IQGAP1: variants seen among roughly 807,000 people sequenced by gnomAD.
The protein encoded by IQGAP1 is IQ motif containing GTPase activating protein 1, also known as ras GTPase-activating-like protein IQGAP1.
IQGAP1 carries 66 observed loss-of-function variants against 215.6 expected under a neutral mutation model. The observed-to-expected ratio is 0.31, with a 90% CI of 0.25 to 0.38. The LOEUF is 0.38. Ranked by LOEUF, IQGAP1 falls within the 10% of genes least tolerant of loss-of-function variation. The probability of loss-of-function intolerance (pLI) is 1.00; values close to 1 mark genes in which losing one functional copy is unlikely to be tolerated. For missense variants in IQGAP1, 1,712 were observed against 1,997.1 expected, an observed-to-expected ratio of 0.86 and a Z score of 2.72; for synonymous variants, 772 against 728.7, an observed-to-expected ratio of 1.06 and a Z score of -0.96.
intron 9 of IQGAP1, among the ~76,000 whole-genome samples, chr15:90,443,937 T>A (rs1423688463): frequency 1.3e-5 from 2 of 151,692 alleles, no homozygotes; most frequent in Non-Finnish European, 2.9e-5. Context: ...GGTGGCGTGC[T>A]CTTGTAGTCC....
At chr15:90,449,007 C>T (rs990689271) in intron 10 of IQGAP1, among the ~76,000 whole-genome samples, 1 of 152,170 alleles carries the variant, frequency 6.6e-6, no homozygotes, top group African/African-American at 2.4e-5. Flanking sequence ...CTGTCTCTCT[C>T]TCCAACTAAA....
chr15:90,433,338 A>G (rs1469915370), intron 4 of IQGAP1, among the ~76,000 whole-genome samples: 2 of 152,178 alleles, frequency 1.3e-5, no homozygotes, highest in Non-Finnish European at 2.9e-5. Context: ...AACTAGGAGC[A>G]TTGTAGTTCT....
At chr15:90,449,525 G>A (rs576430942) in intron 10 of IQGAP1, 34 bp from the exon 11 acceptor site, 1 of 1,558,986 alleles carries the variant, frequency 6.4e-7, no homozygotes, top group South Asian at 1.1e-5. Context: ...ATAGGAATGA[G>A]TAATCTTTAC....
At position 90,444,959 on chromosome 15, in the gene IQGAP1, C is replaced by T. The variant is rs527824964; in HGVS notation, c.913+1481C>T. On this transcript the variant is annotated intron_variant, in intron 9 of 37. Coordinates refer to ENST00000268182, the MANE Select transcript of IQGAP1 (RefSeq NM_003870.4). ...GCAATGTGGCGAAACCCTGTCTCTACAAAAAATACAAAAACTAGCTGGACG... is the reference window on the plus strand; with the variant it reads ...GCAATGTGGCGAAACCCTGTCTCTATAAAAAATACAAAAACTAGCTGGACG... 3.3e-5 allele frequency among the ~76,000 whole-genome samples: 5 copies of T among 152,158 alleles called. No individual in the cohort carries two copies. In the South Asian group the frequency reaches 1.0e-3, roughly 32 times the overall value.
intron 29 of IQGAP1, 115 bp downstream of exon 29, chr15:90,483,708 A>G (rs1397143474): frequency 1.4e-6 from 1 of 724,662 alleles, no homozygotes; most frequent in Non-Finnish European, 2.3e-6. Flanking sequence ...TATGTAGAAG[A>G]CGTGTTTGAT....
chr15:90,394,405 A>G (rs2151694514), intron 2 of IQGAP1, among the ~76,000 whole-genome samples: 1 of 152,330 alleles, frequency 6.6e-6, no homozygotes, highest in East Asian at 1.9e-4. Context: ...GACAAAGGAA[A>G]GAAGCCTGGG....
intron 13 of IQGAP1, among the ~76,000 whole-genome samples, 180 bp downstream of exon 13, chr15:90,453,472 A>G (rs1965636449): frequency 6.6e-6 from 1 of 152,230 alleles, no homozygotes; most frequent in Non-Finnish European, 1.5e-5. Context: ...TTCCGTTCCT[A>G]AATATATAAG....
Position 90,459,248 on chromosome 15 carries a change from C to T in IQGAP1, c.1776+2933C>T, listed in dbSNP as rs1221034375. On this transcript the variant is annotated intron_variant, in intron 15 of 37. Coordinates refer to ENST00000268182, the MANE Select transcript of IQGAP1 (RefSeq NM_003870.4). ...TAATCAACAATTATTTGAGGGCCTA[C>T]TACATACAAGGCAACTTCCTAGACA... 3.3e-5 allele frequency among the ~76,000 whole-genome samples: 5 copies of T among 152,282 alleles called. No individual in the cohort carries two copies. The East Asian group carries it at 7.7e-4, about 23-fold the overall frequency.
chr15:90,482,366 C>G, intron 28 of IQGAP1, 85 bp downstream of exon 28: 1 of 1,295,150 alleles, frequency 7.7e-7, no homozygotes, highest in Non-Finnish European at 1.1e-6. Context: ...TACTAACTGC[C>G]TAAGTGTAGG....
chr15:90,431,402 C>T (rs974204691), intron 4 of IQGAP1: 4 of 152,134 alleles, frequency 2.6e-5, no homozygotes, highest in Non-Finnish European at 5.9e-5. Flanking sequence ...AAATATTACA[C>T]TGTGCACCTG....
intron 19 of IQGAP1, 74 bp downstream of exon 19, chr15:90,473,084 T>G (rs888423647): frequency 1.4e-6 from 2 of 1,402,968 alleles, no homozygotes; most frequent in African/African-American, 2.8e-5. Flanking sequence ...GCTGTCACCA[T>G]TGACTGTCTG....
chr15:90,401,315 T>G (rs961694503), intron 2 of IQGAP1, among the ~76,000 whole-genome samples: 1 of 152,166 alleles, frequency 6.6e-6, no homozygotes, highest in African/African-American at 2.4e-5. Flanking sequence ...CTTGCTGAAG[T>G]TTGAATGTTG....
chr15:90,454,833 T>C lies in IQGAP1; in HGVS notation c.1612+281T>C, dbSNP rs199916595. Among the ~76,000 whole-genome samples, 11 of 152,248 alleles carry C rather than the reference T, an allele frequency of 7.2e-5. No individual in the cohort carries two copies. In the East Asian group the frequency reaches 1.5e-3, roughly 21 times the overall value. On this transcript the variant is annotated intron_variant, in intron 14 of 37. Coordinates refer to ENST00000268182, the MANE Select transcript of IQGAP1 (RefSeq NM_003870.4). Reference sequence around the variant, plus strand: ...CAAGTAGTCCTGACACTACATGGAATTAGGTTGAATTGCACAGGTTGTAGG... The same window carrying C: ...CAAGTAGTCCTGACACTACATGGAACTAGGTTGAATTGCACAGGTTGTAGG...
At chr15:90,443,601 C>T in intron 9 of IQGAP1, 123 bp downstream of exon 9, 1 of 600,332 alleles carries the variant, frequency 1.7e-6, no homozygotes, top group Non-Finnish European at 3.0e-6. Flanking sequence ...ATTTGTTTAG[C>T]AATAATTGCT....
At chr15:90,454,820 A>G (rs1365727683) in intron 14 of IQGAP1, among the ~76,000 whole-genome samples, 3 of 152,192 alleles carry the variant, frequency 2.0e-5, no homozygotes, top group African/African-American at 7.2e-5. Context: ...AGTAGTCCTG[A>G]CACTACATGG....
At chr15:90,419,207 T>A (rs1965097987) in intron 2 of IQGAP1, among the ~76,000 whole-genome samples, 1 of 152,044 alleles carries the variant, frequency 6.6e-6, no homozygotes, top group South Asian at 2.1e-4. Flanking sequence ...AGTGAGAGTT[T>A]ACTTGCCAGA....
intron 19 of IQGAP1, chr15:90,473,228 C>T: frequency 1.8e-6 from 1 of 546,052 alleles, no homozygotes; most frequent in East Asian, 3.1e-5. Context: ...GTACCTCTTC[C>T]TCTCTTCTTC....
chr15:90,462,602 T>A (rs1965778647), intron 15 of IQGAP1, among the ~76,000 whole-genome samples: 1 of 152,224 alleles, frequency 6.6e-6, no homozygotes, highest in African/African-American at 2.4e-5. Context: ...AAAGTCTTTT[T>A]AAAAAGTTTT....
intron 2 of IQGAP1, among the ~76,000 whole-genome samples, chr15:90,400,945 G>C (rs1036902337): frequency 1.3e-5 from 2 of 152,150 alleles, no homozygotes; most frequent in African/African-American, 4.8e-5. Flanking sequence ...TGGACTCTTG[G>C]TTGTTTCTAG....
Sources: gnomAD v4.1 joint callset for allele counts (sites outside exome capture counted in the v4.1 genomes callset) on GRCh38, gnomAD v4.1.1 for gene constraint, MANE v1.5 for transcripts, NCBI Gene and HGNC (gene_info 2026-07-23, HGNC 2026-07-21) for gene names.